The following XPNPEP3 variants were observed in gnomAD, a reference collection of about 807,000 sequenced individuals.
XPNPEP3 encodes X-prolyl aminopeptidase 3.
A neutral mutation model predicts 60.0 loss-of-function variants in XPNPEP3; 41 were observed. That is an observed-to-expected ratio of 0.68 (90% CI 0.53 to 0.89). The LOEUF is 0.89. XPNPEP3 is among the 40% of genes least tolerant of loss of function. The pLI is 0.00. For synonymous variants in XPNPEP3, 212 were observed against 223.2 expected (o/e 0.95, Z 0.45); for missense variants, 598 against 638.9 (o/e 0.94, Z 0.69).
At chr22:40,862,516 T>G in intron 1 of XPNPEP3, 5 of 985,612 alleles carry the variant, frequency 5.1e-6, no homozygotes, top group Non-Finnish European at 6.0e-6. Context: ...CAAGAAACAG[T>G]TCAGAGGGAG....
chr22:40,860,157 A>G (rs181969282), intron 1 of XPNPEP3: 1 of 152,134 alleles, frequency 6.6e-6, no homozygotes, highest in South Asian at 2.1e-4. Context: ...GCTCCCTACA[A>G]CCTCAAACTC....
At chr22:40,869,383 AAT>A (rs1330770843) in intron 2 of XPNPEP3, among the ~76,000 whole-genome samples, 1 of 152,202 alleles carries the variant, frequency 6.6e-6, no homozygotes, top group Non-Finnish European at 1.5e-5. Context: ...ACAAGGTTTA[AAT>A]ATGATAGACC....
intron 8 of XPNPEP3, among the ~76,000 whole-genome samples, chr22:40,922,719 T>TACAC (rs1169515438): frequency 4.8e-5 from 7 of 145,836 alleles, no homozygotes; most frequent in Admixed American, 1.3e-4. Flanking sequence ...CATGTAGATA[T>TACAC]ATACACACAC....
At chr22:40,917,616 G>T (rs897915233) in intron 7 of XPNPEP3, 4 of 151,734 alleles carry the variant, frequency 2.6e-5, no homozygotes, top group African/African-American at 9.7e-5. Context: ...ATTCGGTCAG[G>T]CATTATGGTT....
In XPNPEP3 at chr22:40,909,691, G is replaced by A. The variant is rs114901637; in HGVS notation, c.969+456G>A. 8.4e-3 allele frequency among the ~76,000 whole-genome samples: 1,270 copies of A among 151,430 alleles called. 18 individuals are homozygous for A. Among genetic ancestry groups the A allele is most frequent in the African/African-American group, 0.03 (1,230 of 41,212 alleles). ...GAGGCAGGAGAATTGCTTGAGCCCG[G>A]GAGGCATAAGTTGTAGTGAGCCGAG... On this transcript the variant is annotated intron_variant, in intron 6 of 9. Coordinates refer to ENST00000357137, the MANE Select transcript of XPNPEP3 (RefSeq NM_022098.4).
chr22:40,922,753 T>C (rs189768915), intron 8 of XPNPEP3, among the ~76,000 whole-genome samples: 1 of 152,022 alleles, frequency 6.6e-6, no homozygotes, highest in Non-Finnish European at 1.5e-5. Flanking sequence ...CACATATATA[T>C]ATACACACAC....
rs146393563 is a variant in XPNPEP3, at chr22:40,863,460, G to A, written c.65-5539G>A. ...TTATAACCCCTCAGTTAAATGATAC[G>A]CTAATGAAATCTAAAACTGTAGTGT... On this transcript the variant is annotated intron_variant, in intron 1 of 9. Transcript: ENST00000357137. Among the ~76,000 whole-genome samples the A allele has an allele frequency of 1.2e-3, 190 of 152,116 alleles. 2 individuals carry two copies. In the South Asian group the frequency reaches 0.013, roughly 11 times the overall value.
rs1326588833 is a variant in XPNPEP3, at chr22:40,928,740, T to C, written c.*2305T>C. 1 of 151,792 alleles carries C rather than the reference T, an allele frequency of 6.6e-6. No homozygotes were observed. Among genetic ancestry groups the C allele is most frequent in the African/African-American group, 2.4e-5 (1 of 41,066 alleles). 9.4% of individuals were successfully genotyped at this position (151,792 alleles called of 1,614,324 possible). ...GAGGGTTTCTTAAAAAAACAATTTG[T>C]ATTAGGGAAGCACAAGCTAGGGGAT... On this transcript the variant is annotated 3_prime_UTR_variant, in exon 10 of 10. Coordinates refer to ENST00000357137, the MANE Select transcript of XPNPEP3 (RefSeq NM_022098.4).
intron 4 of XPNPEP3, among the ~76,000 whole-genome samples, chr22:40,891,377 G>C (rs1051035100): frequency 1.3e-5 from 2 of 150,602 alleles, no homozygotes; most frequent in Non-Finnish European, 3.0e-5. Context: ...TGGTTTAGCT[G>C]GGCGTGGTGG....
At chr22:40,886,605 C>T (rs1380212583) in intron 4 of XPNPEP3, 90 bp downstream of exon 4, 1 of 1,217,778 alleles carries the variant, frequency 8.2e-7, no homozygotes, top group African/African-American at 1.5e-5. Flanking sequence ...GCAGGTGGAT[C>T]ATGAGGTCAG....
At chr22:40,892,382 T>C (rs2058091659) in intron 4 of XPNPEP3, among the ~76,000 whole-genome samples, 1 of 152,112 alleles carries the variant, frequency 6.6e-6, no homozygotes, top group Non-Finnish European at 1.5e-5. Flanking sequence ...AGACGGGGTT[T>C]CACCATGTTG....
intron 4 of XPNPEP3, among the ~76,000 whole-genome samples, chr22:40,889,235 G>C (rs2058080418): frequency 2.6e-5 from 4 of 151,898 alleles, no homozygotes; most frequent in African/African-American, 9.7e-5. Flanking sequence ...ATATTATCCA[G>C]GCTGGTGTTG....
chr22:40,885,723 G>A (rs1279540036), intron 3 of XPNPEP3, among the ~76,000 whole-genome samples: 2 of 152,140 alleles, frequency 1.3e-5, no homozygotes, highest in African/African-American at 2.4e-5. Flanking sequence ...GGTGATTCAC[G>A]CCTGTAATCT....
intron 6 of XPNPEP3, among the ~76,000 whole-genome samples, chr22:40,912,999 G>A (rs2058182268): frequency 6.6e-6 from 1 of 152,040 alleles, no homozygotes; most frequent in Non-Finnish European, 1.5e-5. Flanking sequence ...ATTACTGTAT[G>A]TTATCATTTA....
At chr22:40,905,892 C>A (rs932988249) in intron 4 of XPNPEP3, among the ~76,000 whole-genome samples, 1 of 151,920 alleles carries the variant, frequency 6.6e-6, no homozygotes, top group East Asian at 1.9e-4. Context: ...TCCCAGTTCA[C>A]GTGATTCTCC....
chr22:40,861,075 C>T lies in XPNPEP3; in HGVS notation c.64+3830C>T, dbSNP rs1337471714. The T allele has an allele frequency of 1.3e-6, 2 of 1,586,322 alleles. No individual in the cohort carries two copies. Among genetic ancestry groups the T allele is most frequent in the Admixed American group, 1.9e-5 (1 of 53,530 alleles). On this transcript the variant is annotated intron_variant, in intron 1 of 9. Coordinates refer to ENST00000357137, the MANE Select transcript of XPNPEP3 (RefSeq NM_022098.4). ...ATTTGAAGAGTCAATTTAACAATTC[C>T]TTTTGGTAGACTTCTTTTGCACCTC...
chr22:40,862,160 T>C, intron 1 of XPNPEP3: 3 of 1,429,224 alleles, frequency 2.1e-6, no homozygotes, highest in Non-Finnish European at 2.7e-6. Flanking sequence ...ATACTGATTA[T>C]GTGGCAAGCA....
At chr22:40,873,086 C>CTT (rs1422356594) in intron 2 of XPNPEP3, among the ~76,000 whole-genome samples, 1 of 126,596 alleles carries the variant, frequency 7.9e-6, no homozygotes, top group African/African-American at 2.9e-5. Flanking sequence ...TTTTCTTTTT[C>CTT]TTTTTCTTTT....
Position 40,907,585 on chromosome 22 carries a change from A to G in XPNPEP3, c.793-2A>G. ...TCTTTTCATCCTCCTTTCTCTTTGC[A>G]GGCTTTCATAGAAACCATGTTCACC... On this transcript the variant is annotated splice_acceptor_variant, in intron 4 of 9. Transcript: ENST00000357137. LOFTEE classifies it high-confidence loss of function. The G allele has an allele frequency of 1.2e-6, 2 of 1,613,732 alleles. No individual in the cohort carries two copies. The highest frequency in any genetic ancestry group is 1.7e-6 in the Non-Finnish European group (2 of 1,179,654).
Sources: allele counts gnomAD v4.1 joint callset (sites outside exome capture counted in the v4.1 genomes callset), GRCh38; gene constraint gnomAD v4.1.1; transcripts MANE v1.5; gene names NCBI Gene and HGNC (gene_info 2026-07-23, HGNC 2026-07-21).